SLC14A2: variants seen among roughly 807,000 people sequenced by gnomAD.
SLC14A2 encodes urea transporter 2.
SLC14A2 carries 91 observed loss-of-function variants against 104.6 expected under a neutral mutation model. That is an observed-to-expected ratio of 0.87 (90% CI 0.73 to 1.04). The LOEUF (loss-of-function observed/expected upper bound fraction) is 1.04, where lower values mean the gene tolerates loss of function less well. Ranked by LOEUF, SLC14A2 falls within the 50% of genes least tolerant of loss-of-function variation. The probability of loss-of-function intolerance (pLI) is 0.00; values close to 1 mark genes in which losing one functional copy is unlikely to be tolerated. For synonymous variants in SLC14A2, 476 were observed against 466.4 expected (o/e 1.02, Z -0.27); for missense variants, 1,189 against 1,156.0 (o/e 1.03, Z -0.41).
intron 1 of SLC14A2, among the ~76,000 whole-genome samples, chr18:45,384,988 C>T (rs1163054333): frequency 6.6e-6 from 1 of 152,124 alleles, no homozygotes; most frequent in Non-Finnish European, 1.5e-5. Flanking sequence ...CTTTTATCAT[C>T]GATGAGCTAA....
chr18:45,201,758 C>T, the SLC14A2 span, among the ~76,000 whole-genome samples: 1 of 152,098 alleles, frequency 6.6e-6, no homozygotes, highest in African/African-American at 2.4e-5. Flanking sequence ...TTTCTTTACT[C>T]ACTCTCACTT....
intron 1 of SLC14A2, among the ~76,000 whole-genome samples, chr18:45,409,019 C>T (rs919281505): frequency 6.6e-5 from 10 of 152,146 alleles, no homozygotes; most frequent in Non-Finnish European, 1.3e-4. Flanking sequence ...TTTCTTGGAC[C>T]GTTCACATAC....
chr18:45,419,141 G>A (rs2086311208), intron 1 of SLC14A2, among the ~76,000 whole-genome samples: 1 of 152,236 alleles, frequency 6.6e-6, no homozygotes, highest in Non-Finnish European at 1.5e-5. Context: ...AAGCATTGCT[G>A]CTATTAGGCC....
chr18:45,398,534 A>G (rs2086060854), intron 1 of SLC14A2, among the ~76,000 whole-genome samples: 1 of 118,700 alleles, frequency 8.4e-6, no homozygotes, highest in East Asian at 2.3e-4. Flanking sequence ...GCTTAAGGAT[A>G]GAAACCACCC....
chr18:45,340,975 A>G (rs971010401), intron 1 of SLC14A2, among the ~76,000 whole-genome samples: 1 of 152,174 alleles, frequency 6.6e-6, no homozygotes, highest in Non-Finnish European at 1.5e-5. Flanking sequence ...GAGTTGCTGT[A>G]TTGGAGAAGA....
intron 1 of SLC14A2, among the ~76,000 whole-genome samples, chr18:45,243,359 A>C (rs970575506): frequency 5.9e-5 from 9 of 152,168 alleles, no homozygotes; most frequent in African/African-American, 2.2e-4. Context: ...ACCATTTTAC[A>C]GATAAAGAAG....
chr18:45,628,094 T>A lies in SLC14A2; in HGVS notation c.521+947T>A, dbSNP rs189645241. Among the ~76,000 whole-genome samples, 17 of 152,182 alleles carry A rather than the reference T, an allele frequency of 1.1e-4. No homozygotes were observed. The South Asian group carries it at 3.1e-3, about 28-fold the overall frequency. On this transcript the variant is annotated intron_variant, in intron 4 of 19. Coordinates refer to ENST00000255226, the MANE Select transcript of SLC14A2 (RefSeq NM_007163.4). ...CCACTTCCTGAGACTTTGCCGTATA[T>A]TTTTCCAGTGGCTCCCAAACTTTCC... is the stretch of plus-strand genomic sequence containing the variant.
chr18:45,431,395 C>T (rs2086512955), intron 1 of SLC14A2, among the ~76,000 whole-genome samples: 1 of 152,158 alleles, frequency 6.6e-6, no homozygotes, highest in Non-Finnish European at 1.5e-5. Flanking sequence ...CTCTCTATGC[C>T]TCAGTTTCTT....
At chr18:45,384,635 A>G (rs992383419) in intron 1 of SLC14A2, among the ~76,000 whole-genome samples, 1 of 151,502 alleles carries the variant, frequency 6.6e-6, no homozygotes, top group Non-Finnish European at 1.5e-5. Flanking sequence ...CCCGCCCCCA[A>G]CCAAAAGGTA....
chr18:45,541,904 A>C (rs1002290957), intron 2 of SLC14A2, among the ~76,000 whole-genome samples: 1 of 152,164 alleles, frequency 6.6e-6, no homozygotes, highest in African/African-American at 2.4e-5. Flanking sequence ...CTTGCACAAA[A>C]TAGGTACTTG....
intron 1 of SLC14A2, among the ~76,000 whole-genome samples, chr18:45,381,020 T>C (rs866951612): frequency 6.6e-6 from 1 of 152,232 alleles, no homozygotes; most frequent in Admixed American, 6.5e-5. Flanking sequence ...CTGTGGACTT[T>C]CTTGAATTTT....
chr18:45,323,741 G>C (rs983403531), intron 1 of SLC14A2, among the ~76,000 whole-genome samples: 2 of 152,168 alleles, frequency 1.3e-5, no homozygotes, highest in Non-Finnish European at 2.9e-5. Flanking sequence ...TTGAATTAAG[G>C]TTCCTATCTC....
At chr18:45,603,676 C>T (rs1266988723) in intron 2 of SLC14A2, among the ~76,000 whole-genome samples, 5 of 152,152 alleles carry the variant, frequency 3.3e-5, no homozygotes, top group African/African-American at 1.2e-4. Context: ...TCCCAGGATG[C>T]CCAGAATCCT....
At chr18:45,308,562 C>A (rs1236537014) in intron 1 of SLC14A2, among the ~76,000 whole-genome samples, 1 of 152,178 alleles carries the variant, frequency 6.6e-6, no homozygotes, top group African/African-American at 2.4e-5. Flanking sequence ...TCCAGCCACT[C>A]GCTTTCCTCC....
chr18:45,197,628 C>T, the SLC14A2 span, among the ~76,000 whole-genome samples: 2 of 152,178 alleles, frequency 1.3e-5, no homozygotes, highest in Non-Finnish European at 2.9e-5. Flanking sequence ...ACTTACATCC[C>T]ACTGATGGGT....
At position 45,578,975 on chromosome 18, in the gene SLC14A2, G is replaced by T. The variant is rs73423718; in HGVS notation, c.-34-45656G>T. 3.1e-3 allele frequency among the ~76,000 whole-genome samples: 472 copies of T among 152,326 alleles called. 4 individuals carry two copies. The highest frequency in any genetic ancestry group is 9.2e-3 in the African/African-American group (383 of 41,566). On this transcript the variant is annotated intron_variant, in intron 2 of 20. Coordinates refer to the SLC14A2 transcript ENST00000586448. ...TGCTCAGCTTGCTCAAGGATCAGAG[G>T]TCTTGGCTGTGATGAATCAGCTGAC... is the stretch of plus-strand genomic sequence containing the variant.
chr18:45,236,225 GTGTATATATACATATATGTGTGTA>G lies in SLC14A2; in HGVS notation c.-125+23036_-125+23059del, dbSNP rs2084241478. 1.2e-4 allele frequency among the ~76,000 whole-genome samples: 6 copies of G among 50,318 alleles called. 2 individuals are homozygous for G. The South Asian group carries it at 1.9e-3, about 16-fold the overall frequency. The allele number at this position is 50,318 out of a possible 152,430, so 33.0% of individuals were successfully genotyped here. A position where few individuals can be genotyped will look rare whatever the true frequency, so the allele number is the denominator to read the frequency against. ...TATATACATATATGTGTGTATATAT[GTGTATATATACATATATGTGTGTA>G]TATATGTGTATATATACATGTATGT... On this transcript the variant is annotated intron_variant, in intron 1 of 20. Coordinates refer to the SLC14A2 transcript ENST00000586448.
chr18:45,448,150 G>C (rs553838155), intron 1 of SLC14A2, among the ~76,000 whole-genome samples: 1 of 152,302 alleles, frequency 6.6e-6, no homozygotes, highest in South Asian at 2.1e-4. Flanking sequence ...GGGTGCCTTG[G>C]CTTTTTATTT....
At chr18:45,212,363 G>C (rs1161904164), upstream of SLC14A2, among the ~76,000 whole-genome samples, 1 of 152,158 alleles carries the variant, frequency 6.6e-6, no homozygotes, top group Admixed American at 6.5e-5. Flanking sequence ...TTTAATCCAA[G>C]CCCTGTAATT....
Sources: gnomAD v4.1 joint callset for allele counts (sites outside exome capture counted in the v4.1 genomes callset) on GRCh38, gnomAD v4.1.1 for gene constraint, MANE v1.5 for transcripts, NCBI Gene and HGNC (gene_info 2026-07-23, HGNC 2026-07-21) for gene names.